CHM: variants seen among roughly 807,000 people sequenced by gnomAD.
The protein encoded by CHM is CHM Rab escort protein, also known as rab proteins geranylgeranyltransferase component A 1.
In CHM, 10 loss-of-function variants were observed where a neutral mutation model predicts 49.0. The ratio of observed to expected loss-of-function variants is 0.20; its 90% CI spans 0.13 to 0.35. CHM has a LOEUF of 0.35. CHM is among the 10% of genes least tolerant of loss of function. CHM has a pLI of 1.00. For missense variants in CHM, 455 were observed against 478.4 expected (o/e 0.95, Z 0.46); for synonymous variants, 184 against 167.5 (o/e 1.10, Z -0.76).
At position 85,986,223 on chromosome X, in the gene CHM, T is replaced by C. The variant is rs369318117; in HGVS notation, c.117-4414A>G. Among the ~76,000 whole-genome samples the C allele has an allele frequency of 3.3e-4, 36 of 110,318 alleles. No homozygotes were observed. The South Asian group carries it at 0.014, about 43-fold the overall frequency. Reference sequence around the variant, plus strand: ...CTCACTGAGCAACTGCTGACCTGCATCTCTCTGGGGTGGAGCCCCCAGGAT... The same window carrying C: ...CTCACTGAGCAACTGCTGACCTGCACCTCTCTGGGGTGGAGCCCCCAGGAT... On this transcript the variant is annotated intron_variant, in intron 2 of 14. Transcript: ENST00000357749.
In CHM at chrX:85,863,972, A is replaced by G. The variant is rs971054486; in HGVS notation, c.*658T>C. Reference sequence around the variant, plus strand: ...TCCACACCTTTCCTTCCATTCTTTCATTTCTTCATTATTGACCTTTCCCAA... The same window carrying G: ...TCCACACCTTTCCTTCCATTCTTTCGTTTCTTCATTATTGACCTTTCCCAA... On this transcript the variant is annotated 3_prime_UTR_variant, in exon 15 of 15. Transcript: ENST00000357749. 8.9e-6 allele frequency: 1 copy of G among 112,073 alleles called. No individual in the cohort carries two copies. Among genetic ancestry groups the G allele is most frequent in the Non-Finnish European group, 1.9e-5 (1 of 53,471 alleles). 9.2% of individuals were successfully genotyped at this position (112,073 alleles called of 1,213,427 possible). A position where few individuals can be genotyped will look rare whatever the true frequency, so the allele number is the denominator to read the frequency against.
chrX:85,981,380 C>T (rs1369083468), intron 3 of CHM, among the ~76,000 whole-genome samples: 3 of 107,309 alleles, frequency 2.8e-5, no homozygotes, highest in Non-Finnish European at 3.8e-5. Context: ...ACTACAGGCA[C>T]GTGCCACCAT....
chrX:85,882,611 A>G (rs1194894034), intron 12 of CHM, among the ~76,000 whole-genome samples: 1 of 112,251 alleles, frequency 8.9e-6, no homozygotes, highest in African/African-American at 3.2e-5. Context: ...TCTTTTGGCA[A>G]TACACTTAGA....
intron 14 of CHM, among the ~76,000 whole-genome samples, chrX:85,871,320 A>AAAAAAAAAAAAAG (rs1487188345): frequency 1.9e-5 from 2 of 103,004 alleles, no homozygotes; most frequent in African/African-American, 7.6e-5. Flanking sequence ...AAAAAAAAAA[A>AAAAAAAAAAAAAG]AAGAAGAAAT....
At chrX:85,869,142 AC>A (rs1336556568) in intron 14 of CHM, among the ~76,000 whole-genome samples, 1 of 110,548 alleles carries the variant, frequency 9.0e-6, no homozygotes, top group Non-Finnish European at 1.9e-5. Context: ...TTATTTCTAG[AC>A]TTTGGATATA....
intron 11 of CHM, among the ~76,000 whole-genome samples, chrX:85,897,306 C>CGTGTGTGTGTGT (rs533191230): frequency 2.6e-5 from 2 of 76,524 alleles, no homozygotes; most frequent in African/African-American, 4.6e-5. Flanking sequence ...CTTGTGTGTG[C>CGTGTGTGTGTGT]GTGTGTGTGT....
At chrX:85,884,506 A>T (rs1490225783) in intron 12 of CHM, among the ~76,000 whole-genome samples, 1 of 111,180 alleles carries the variant, frequency 9.0e-6, no homozygotes, top group Non-Finnish European at 1.9e-5. Context: ...CTGGGATTTG[A>T]ACTTAGCCTA....
intron 11 of CHM, among the ~76,000 whole-genome samples, chrX:85,898,396 G>A (rs773647638): frequency 8.9e-6 from 1 of 111,733 alleles, no homozygotes; most frequent in South Asian, 3.8e-4. Context: ...AGCCTCCCCA[G>A]CCTTTGCCTG....
At chrX:86,019,630 T>C (rs948064791) in intron 2 of CHM, 5 of 112,094 alleles carry the variant, frequency 4.5e-5, no homozygotes, top group African/African-American at 1.6e-4. Context: ...TGCAGTGGTA[T>C]TTACAACTAA....
intron 4 of CHM, among the ~76,000 whole-genome samples, chrX:85,973,731 A>G (rs1309074285): frequency 1.8e-5 from 2 of 112,006 alleles, no homozygotes; most frequent in Admixed American, 1.9e-4. Flanking sequence ...CAGCATTAGC[A>G]TATAATTAAA....
At chrX:85,866,412 A>G (rs1923699515) in intron 14 of CHM, among the ~76,000 whole-genome samples, 1 of 112,753 alleles carries the variant, frequency 8.9e-6, no homozygotes. Flanking sequence ...GGATGTTAGG[A>G]AACGCCTAGA....
chrX:85,963,720 G>T lies in CHM; in HGVS notation c.647C>A (p.Thr216Asn). 8.3e-7 allele frequency: 1 copy of T among 1,203,589 alleles called. No homozygotes were observed. Among genetic ancestry groups the T allele is most frequent in the Non-Finnish European group, 1.1e-6 (1 of 888,301 alleles). The part of the protein sequence containing the change: ...TTEQPKKNRI[T>N]YSQIIKEGRR... ...GCCTTCTTTAATAATTTGTGAGTAA[G>T]TAATTCTGTTTTTCTTTGGTTGCTC... Residue 216 changes from threonine (T) to asparagine (N), a missense_variant, in exon 5 of 15, where the codon ACT (threonine) becomes AAT (asparagine). Transcript: ENST00000357749.
intron 11 of CHM, among the ~76,000 whole-genome samples, chrX:85,895,300 TA>T (rs1333000883): frequency 2.1e-5 from 2 of 93,311 alleles, no homozygotes; most frequent in Non-Finnish European, 4.4e-5. Flanking sequence ...TACACCTGGC[TA>T]TTTTTTTTTT....
intron 12 of CHM, 140 bp from the exon 13 acceptor site, chrX:85,879,203 G>T (rs1257180579): frequency 4.3e-6 from 2 of 459,771 alleles, no homozygotes; most frequent in Admixed American, 3.4e-5. Flanking sequence ...ACAGCTAAAG[G>T]AAGTACCCAA....
intron 1 of CHM, among the ~76,000 whole-genome samples, chrX:86,041,674 GTGTA>G (rs1934461472): frequency 1.3e-5 from 1 of 78,313 alleles, no homozygotes; most frequent in African/African-American, 5.2e-5. Flanking sequence ...AAACATATGT[GTGTA>G]TGTGTGTTTA....
intron 2 of CHM, among the ~76,000 whole-genome samples, chrX:85,989,219 G>A (rs1023401547): frequency 9.9e-5 from 11 of 111,058 alleles, no homozygotes; most frequent in African/African-American, 3.6e-4. Context: ...CCTGATCTTC[G>A]ACAAAGCTGA....
At chrX:86,009,584 T>C (rs1215730628) in intron 2 of CHM, among the ~76,000 whole-genome samples, 1 of 112,674 alleles carries the variant, frequency 8.9e-6, no homozygotes, top group Non-Finnish European at 1.9e-5. Flanking sequence ...ATATTTTGCA[T>C]CTTATTCCAC....
chrX:86,012,615 T>C (rs1053791203), intron 2 of CHM, among the ~76,000 whole-genome samples: 1 of 111,737 alleles, frequency 8.9e-6, no homozygotes, highest in Admixed American at 9.5e-5. Context: ...AGTCCTCTCA[T>C]TGAGGCACCC....
intron 8 of CHM, among the ~76,000 whole-genome samples, chrX:85,913,332 A>AAAAAAAAAGAAAGAAAGAAAG (rs762266365): frequency 8.5e-5 from 2 of 23,417 alleles, no homozygotes; most frequent in African/African-American, 1.4e-4. Flanking sequence ...AAAAAAAAAA[A>AAAAAAAAAGAAAGAAAGAAAG]AAAGAAAGAA....
Sources: gnomAD v4.1 joint callset for allele counts (sites outside exome capture counted in the v4.1 genomes callset) on GRCh38, gnomAD v4.1.1 for gene constraint, MANE v1.5 for transcripts, NCBI Gene and HGNC (gene_info 2026-07-23, HGNC 2026-07-21) for gene names.